Variants in SASS6 observed in about 807,000 individuals in gnomAD.
The protein encoded by SASS6 is SAS-6 centriolar assembly protein, also known as spindle assembly abnormal protein 6 homolog.
In SASS6, 59 loss-of-function variants were observed where a neutral mutation model predicts 94.9. The ratio of observed to expected loss-of-function variants is 0.62; its 90% CI spans 0.50 to 0.77. The LOEUF (loss-of-function observed/expected upper bound fraction) is 0.77, where lower values mean the gene tolerates loss of function less well. Among genes scored for constraint, SASS6 ranks in the 30% least tolerant of loss-of-function variants. SASS6 has a pLI of 0.00. For synonymous variants in SASS6, 264 were observed against 270.0 expected, an observed-to-expected ratio of 0.98 and a Z score of 0.22; for missense variants, 698 against 734.1, an observed-to-expected ratio of 0.95 and a Z score of 0.57.
chr1:100,128,968 G>A (rs970444786), intron 1 of SASS6, among the ~76,000 whole-genome samples: 1 of 152,192 alleles, frequency 6.6e-6, no homozygotes, highest in Non-Finnish European at 1.5e-5. Context: ...GCTTGGCACA[G>A]TGGCTCACAT....
intron 7 of SASS6, among the ~76,000 whole-genome samples, chr1:100,113,196 T>C (rs1236106213): frequency 6.6e-6 from 1 of 152,100 alleles, no homozygotes; most frequent in African/African-American, 2.4e-5. Context: ...ACTATTTGGG[T>C]GATTAGTTCA....
rs777281568 is a variant in SASS6, at chr1:100,107,805, T to C, written c.1056+5A>G. On this transcript the variant is annotated splice_donor_5th_base_variant and intron_variant, in intron 9 of 16. Coordinates refer to ENST00000287482, the MANE Select transcript of SASS6 (RefSeq NM_194292.3). ...TCAATTTCTGAGAAAAATTTAAAAGTAGACCTTTTGTTCCTGGATTGTATC... is the reference window on the plus strand; with the variant it reads ...TCAATTTCTGAGAAAAATTTAAAAGCAGACCTTTTGTTCCTGGATTGTATC... The C allele has an allele frequency of 6.9e-6, 11 of 1,593,532 alleles. No homozygotes were observed. In the African/African-American group the frequency reaches 1.5e-4, roughly 21 times the overall value.
intron 14 of SASS6, among the ~76,000 whole-genome samples, chr1:100,093,178 T>C (rs75289564): frequency 0.024 from 3,185 of 131,154 alleles, 67 homozygotes; most frequent in African/African-American, 0.088. Context: ...TGTTTTCTTT[T>C]TTTTTTTTTT....
chr1:100,131,284 G>C (rs184041066), intron 1 of SASS6, among the ~76,000 whole-genome samples: 2 of 151,748 alleles, frequency 1.3e-5, no homozygotes, highest in Admixed American at 6.6e-5. Flanking sequence ...CTCAAGCTTA[G>C]GCTCAAGCAA....
chr1:100,132,437 G>A (rs1655128525), intron 1 of SASS6, among the ~76,000 whole-genome samples: 1 of 152,008 alleles, frequency 6.6e-6, no homozygotes, highest in Non-Finnish European at 1.5e-5. Flanking sequence ...ACTTCTCTGG[G>A]CCAGAGTTCT....
intron 7 of SASS6, among the ~76,000 whole-genome samples, chr1:100,114,986 T>C (rs774512238): frequency 1.6e-4 from 25 of 152,240 alleles, no homozygotes; most frequent in Admixed American, 3.3e-4. Flanking sequence ...GAAAACCCTT[T>C]CTCTCAAATG....
At chr1:100,131,619 G>C (rs1557899067) in intron 1 of SASS6, among the ~76,000 whole-genome samples, 2 of 152,080 alleles carry the variant, frequency 1.3e-5, no homozygotes, top group Non-Finnish European at 2.9e-5. Flanking sequence ...TACCATACTG[G>C]ACAGCATTAA....
Position 100,109,780 on chromosome 1 carries a change from G to A in SASS6, c.861+512C>T, listed in dbSNP as rs1300903043. On this transcript the variant is annotated intron_variant, in intron 8 of 16. Transcript: ENST00000287482. ...CATCTGTAAAATAGGGCTAATAATA[G>A]TTCCTACCTTAAATAACTGTTGTAA... is the stretch of plus-strand genomic sequence containing the variant. Among the ~76,000 whole-genome samples, 3 of 151,964 alleles carry A rather than the reference G, an allele frequency of 2.0e-5. No individual in the cohort carries two copies. In the East Asian group the frequency reaches 5.8e-4, roughly 29 times the overall value.
At chr1:100,117,525 C>T (rs998194098) in intron 7 of SASS6, among the ~76,000 whole-genome samples, 8 of 151,746 alleles carry the variant, frequency 5.3e-5, no homozygotes, top group African/African-American at 1.5e-4. Context: ...TGGTGGCATG[C>T]GCCTGTAATC....
rs763296331 is a variant in SASS6 at position 100,132,739 on chromosome 1, G to T, written c.65+11C>A. ...CCGCCACCCGCGGGCACTGGATGAC[G>T]CGGACCTTACCTCTCCTCACAGTCT... On this transcript the variant is annotated intron_variant, in intron 1 of 16. Coordinates refer to ENST00000287482, the MANE Select transcript of SASS6 (RefSeq NM_194292.3). 1 of 1,611,482 alleles carries T rather than the reference G, an allele frequency of 6.2e-7. No individual in the cohort carries two copies. The highest frequency in any genetic ancestry group is 1.7e-5 in the Admixed American group (1 of 60,016).
At chr1:100,125,825 AAACT>A (rs1654576937) in intron 2 of SASS6, 53 bp downstream of exon 2, 2 of 896,412 alleles carry the variant, frequency 2.2e-6, no homozygotes, top group African/African-American at 1.7e-5. Flanking sequence ...TTAAAGAACA[AAACT>A]AATTGTCTAC....
At chr1:100,121,127 AC>A (rs1378239346) in intron 5 of SASS6, among the ~76,000 whole-genome samples, 1 of 152,016 alleles carries the variant, frequency 6.6e-6, no homozygotes, top group African/African-American at 2.4e-5. Context: ...TGAAACCATG[AC>A]AGAAGAGTTT....
In SASS6 at chr1:100,103,741, T is replaced by G. The variant is rs146625716; in HGVS notation, c.1546-658A>C. The stretch of plus-strand genomic sequence containing the variant: ...TGTAATTCAGCCCCAGGCACTTCTT[T>G]CTGCACCCTTCTCCAATTTAACAGC... On this transcript the variant is annotated intron_variant, in intron 13 of 16. Coordinates refer to ENST00000287482, the MANE Select transcript of SASS6 (RefSeq NM_194292.3). 1.3e-3 allele frequency among the ~76,000 whole-genome samples: 196 copies of G among 152,272 alleles called. 1 individual carries two copies. The highest frequency in any genetic ancestry group is 2.5e-3 in the Non-Finnish European group (171 of 68,014).
At chr1:100,095,005 TGATAAAA>T (rs151180032) in intron 14 of SASS6, among the ~76,000 whole-genome samples, 1,560 of 152,252 alleles carry the variant, frequency 0.01, 31 homozygotes, top group African/African-American at 0.036. Flanking sequence ...ATCTGTTAAC[TGATAAAA>T]GATAAGCCAC....
intron 7 of SASS6, among the ~76,000 whole-genome samples, chr1:100,113,988 T>C (rs1653595362): frequency 6.6e-6 from 1 of 150,484 alleles, no homozygotes; most frequent in South Asian, 2.1e-4. Context: ...TAGCAACACC[T>C]CATCTTCAAA....
intron 7 of SASS6, among the ~76,000 whole-genome samples, chr1:100,114,703 G>T (rs1013730333): frequency 6.6e-6 from 1 of 151,946 alleles, no homozygotes; most frequent in Admixed American, 6.6e-5. Context: ...GGGCAACAGA[G>T]CAAGACTCTG....
chr1:100,102,864 G>A, intron 14 of SASS6, 91 bp downstream of exon 14: 1 of 989,962 alleles, frequency 1.0e-6, no homozygotes, highest in East Asian at 2.4e-5. Flanking sequence ...ACTGACCAAA[G>A]AATAAATGAA....
intron 14 of SASS6, among the ~76,000 whole-genome samples, chr1:100,088,969 A>AT (rs1296899458): frequency 6.6e-6 from 1 of 152,212 alleles, no homozygotes; most frequent in Non-Finnish European, 1.5e-5. Context: ...AAGAAAAATT[A>AT]GCCAACAGAA....
chr1:100,125,848 G>A (rs201130862), intron 2 of SASS6, 34 bp downstream of exon 2: 198 of 1,048,960 alleles, frequency 1.9e-4, no homozygotes, highest in Non-Finnish European at 2.6e-4. Flanking sequence ...ACAATGTACC[G>A]AAATGATATT....
Sources: gnomAD v4.1 joint callset for allele counts (sites outside exome capture counted in the v4.1 genomes callset) on GRCh38, gnomAD v4.1.1 for gene constraint, MANE v1.5 for transcripts, NCBI Gene and HGNC (gene_info 2026-07-23, HGNC 2026-07-21) for gene names.